Variants in TMLHE observed in about 807,000 individuals in gnomAD.
TMLHE encodes trimethyllysine dioxygenase, mitochondrial.
A neutral mutation model predicts 25.7 loss-of-function variants in TMLHE; 18 were observed. The ratio of observed to expected loss-of-function variants is 0.70; its 90% CI spans 0.48 to 1.04. The LOEUF (loss-of-function observed/expected upper bound fraction) is 1.04. Among genes scored for constraint, TMLHE ranks in the 50% least tolerant of loss-of-function variants. The pLI, the probability that TMLHE is intolerant of heterozygous loss-of-function variation, is 0.00. For synonymous variants in TMLHE, 105 were observed against 97.0 expected (o/e 1.08, Z -0.49); for missense variants, 236 against 259.0 (o/e 0.91, Z 0.61).
intron 1 of TMLHE, among the ~76,000 whole-genome samples, chrX:155,577,119 G>T (rs1445791083): frequency 1.8e-5 from 2 of 111,873 alleles, no homozygotes; most frequent in African/African-American, 6.5e-5. Flanking sequence ...TCTGACAAAG[G>T]TCTAATATCT....
intron 1 of TMLHE, among the ~76,000 whole-genome samples, chrX:155,547,568 TATA>T (rs1557338997): frequency 5.3e-4 from 59 of 111,685 alleles, no homozygotes. Context: ...TACTACTATT[TATA>T]ATAGTTTTAA....
At chrX:155,506,511 A>T (rs898663829) in intron 6 of TMLHE, among the ~76,000 whole-genome samples, 2 of 111,587 alleles carry the variant, frequency 1.8e-5, no homozygotes, top group South Asian at 7.4e-4. Context: ...CAAAATATCT[A>T]AGTTGTGATA....
chrX:155,511,091 A>G (rs1346692175), intron 5 of TMLHE, among the ~76,000 whole-genome samples: 3 of 111,459 alleles, frequency 2.7e-5, no homozygotes, highest in Non-Finnish European at 5.7e-5. Context: ...AGTCTGATAT[A>G]GTTTGGATAT....
intron 1 of TMLHE, among the ~76,000 whole-genome samples, chrX:155,572,865 C>G (rs1260680647): frequency 1.7e-5 from 1 of 57,237 alleles, no homozygotes; most frequent in East Asian, 7.2e-4. Context: ...AAACGTTAGA[C>G]CTAAAACCAT....
At chrX:155,599,472 A>G (rs781900289) in intron 1 of TMLHE, among the ~76,000 whole-genome samples, 1 of 112,107 alleles carries the variant, frequency 8.9e-6, no homozygotes, top group East Asian at 2.8e-4. Context: ...TTTAGAAAGT[A>G]TATTATAGAA....
At chrX:155,554,462 C>T (rs990953091) in intron 1 of TMLHE, among the ~76,000 whole-genome samples, 2 of 110,928 alleles carry the variant, frequency 1.8e-5, no homozygotes, top group African/African-American at 6.6e-5. Context: ...GTAGTTCTAT[C>T]GTCTTCATGT....
rs184056860 is a variant in TMLHE at position 155,567,766 on chromosome X, C to T, written c.-1-22489G>A. Among the ~76,000 whole-genome samples the T allele has an allele frequency of 3.2e-5, 2 of 61,729 alleles. 1 individual carries two copies. The highest frequency in any genetic ancestry group is 7.2e-5 in the African/African-American group (2 of 27,795). The allele number at this position is 61,729 out of a possible 115,157, so 53.6% of individuals were successfully genotyped here. A position where few individuals can be genotyped will look rare whatever the true frequency, so the allele number is the denominator to read the frequency against. On this transcript the variant is annotated intron_variant, in intron 1 of 7. Coordinates refer to ENST00000334398, the MANE Select transcript of TMLHE (RefSeq NM_018196.4). ...TCATTTTAAATGTACAGTGGAAGACCGAAGAACTGAAAGCTCCACTGATGG... is the reference window on the plus strand; with the variant it reads ...TCATTTTAAATGTACAGTGGAAGACTGAAGAACTGAAAGCTCCACTGATGG...
At chrX:155,544,999 C>A in intron 2 of TMLHE, 97 bp downstream of exon 2, 1 of 968,709 alleles carries the variant, frequency 1.0e-6, no homozygotes, top group Non-Finnish European at 1.4e-6. Flanking sequence ...GTTTTCTTAC[C>A]ACGATTTTAT....
At chrX:155,545,774 T>G (rs189902449) in intron 1 of TMLHE, among the ~76,000 whole-genome samples, 54 of 111,401 alleles carry the variant, frequency 4.8e-4, no homozygotes, top group Non-Finnish European at 9.1e-4. Flanking sequence ...TACAGTCACA[T>G]GCTATACAGG....
At chrX:155,531,462 T>G (rs1390492159) in intron 2 of TMLHE, among the ~76,000 whole-genome samples, 2 of 110,682 alleles carry the variant, frequency 1.8e-5, no homozygotes, top group Non-Finnish European at 3.8e-5. Flanking sequence ...AACTGGATCT[T>G]GTCTGAATTC....
intron 1 of TMLHE, among the ~76,000 whole-genome samples, chrX:155,582,014 A>C (rs1173624799): frequency 1.8e-5 from 2 of 112,033 alleles, no homozygotes; most frequent in Non-Finnish European, 3.8e-5. Flanking sequence ...CTCAGAAATA[A>C]TACCACACAT....
intron 1 of TMLHE, among the ~76,000 whole-genome samples, chrX:155,545,939 C>G (rs1267417358): frequency 9.1e-6 from 1 of 110,435 alleles, no homozygotes; most frequent in Non-Finnish European, 1.9e-5. Context: ...GTTATCCTGT[C>G]AACTGACCCA....
intron 1 of TMLHE, among the ~76,000 whole-genome samples, chrX:155,545,946 C>A (rs1222334975): frequency 9.1e-6 from 1 of 110,353 alleles, no homozygotes; most frequent in Non-Finnish European, 1.9e-5. Context: ...TGTCAACTGA[C>A]CCATAATTGT....
chrX:155,610,249 T>C (rs781858624), intron 1 of TMLHE, among the ~76,000 whole-genome samples: 8 of 112,158 alleles, frequency 7.1e-5, no homozygotes, highest in Admixed American at 3.8e-4. Flanking sequence ...TTAATAAACT[T>C]TGGAGACATT....
rs2067538900 is a variant in TMLHE, at chrX:155,570,089, C to A, written c.-1-24812G>T. Reference sequence around the variant, plus strand: ...CATCAGTGTGCTGTATTCAGGAAACCCATCTCACGTGCAGAGACACACATA... The same window carrying A: ...CATCAGTGTGCTGTATTCAGGAAACACATCTCACGTGCAGAGACACACATA... On this transcript the variant is annotated intron_variant, in intron 1 of 7. Coordinates refer to ENST00000334398, the MANE Select transcript of TMLHE (RefSeq NM_018196.4). Among the ~76,000 whole-genome samples, 2 of 55,522 alleles carry A rather than the reference C, an allele frequency of 3.6e-5. 1 individual carries two copies. The highest frequency in any genetic ancestry group is 2.1e-3 in the South Asian group (2 of 962). The allele number at this position is 55,522 out of a possible 115,157, so 48.2% of individuals were successfully genotyped here.
chrX:155,531,642 G>A (rs1367664676), intron 2 of TMLHE, among the ~76,000 whole-genome samples: 1 of 111,706 alleles, frequency 9.0e-6, no homozygotes, highest in East Asian at 2.8e-4. Flanking sequence ...TCAAGTGTAT[G>A]CCTCAAACAA....
intron 1 of TMLHE, among the ~76,000 whole-genome samples, chrX:155,549,907 C>A (rs1276053824): frequency 1.8e-5 from 2 of 108,984 alleles, no homozygotes; most frequent in Non-Finnish European, 3.8e-5. Context: ...CCAGTGTGTG[C>A]TCTTCCCCTC....
At chrX:155,549,171 G>A (rs1053634347) in intron 1 of TMLHE, among the ~76,000 whole-genome samples, 1 of 110,905 alleles carries the variant, frequency 9.0e-6, no homozygotes, top group Admixed American at 9.5e-5. Context: ...TCTATATAAG[G>A]AATGTCATAT....
At chrX:155,534,160 T>C (rs1234553472) in intron 2 of TMLHE, among the ~76,000 whole-genome samples, 1 of 110,357 alleles carries the variant, frequency 9.1e-6, no homozygotes, top group African/African-American at 3.3e-5. Context: ...ATTGAAAGAG[T>C]TGTGCATGTG....
Sources: allele counts gnomAD v4.1 joint callset (sites outside exome capture counted in the v4.1 genomes callset), GRCh38; gene constraint gnomAD v4.1.1; transcripts MANE v1.5; gene names NCBI Gene and HGNC (gene_info 2026-07-23, HGNC 2026-07-21).